GAD1: variants seen among roughly 807,000 people sequenced by gnomAD.
GAD1 encodes 67 kDa glutamic acid decarboxylase.
GAD1 carries 35 observed loss-of-function variants against 75.2 expected under a neutral mutation model. The ratio of observed to expected loss-of-function variants is 0.47; its 90% CI spans 0.36 to 0.62. GAD1 has a LOEUF of 0.62. Ranked by LOEUF, GAD1 falls within the 20% of genes least tolerant of loss-of-function variation. The pLI is 0.00. For missense variants in GAD1, 490 were observed against 758.5 expected, an observed-to-expected ratio of 0.65 and a Z score of 4.16; for synonymous variants, 257 against 271.9, an observed-to-expected ratio of 0.95 and a Z score of 0.54.
At chr2:170,830,844 T>C in intron 4 of GAD1, 106 bp from the exon 5 acceptor site, 1 of 1,413,804 alleles carries the variant, frequency 7.1e-7, no homozygotes, top group Non-Finnish European at 9.9e-7. Flanking sequence ...TATCCCAGAA[T>C]GAAATCAGGC....
At chr2:170,828,312 C>T (rs1702089249) in intron 3 of GAD1, among the ~76,000 whole-genome samples, 1 of 139,898 alleles carries the variant, frequency 7.1e-6, no homozygotes, top group Non-Finnish European at 1.5e-5. Context: ...CCTCTGCTGT[C>T]CTCACCCTCT....
intron 2 of GAD1, chr2:170,821,817 G>A (rs933853424): frequency 1.1e-4 from 58 of 505,810 alleles, no homozygotes; most frequent in Non-Finnish European, 1.7e-4. Context: ...GGCGGGGGTC[G>A]CTTACGGGCC....
chr2:170,848,500 AAAAAAAAAAAAAG>A (rs935676068), intron 11 of GAD1, among the ~76,000 whole-genome samples: 4 of 151,112 alleles, frequency 2.6e-5, no homozygotes, highest in Admixed American at 6.6e-5. Context: ...CTGTCTCAAA[AAAAAAAAAAAAAG>A]AAAAAAGAAA....
In GAD1 at chr2:170,818,755, A is replaced by G; in HGVS notation, c.82+82A>G. The G allele has an allele frequency of 1.5e-6, 2 of 1,336,044 alleles. No individual in the cohort carries two copies. Among genetic ancestry groups the G allele is most frequent in the South Asian group, 1.2e-5 (1 of 85,610 alleles). 82.8% of individuals were successfully genotyped at this position (1,336,044 alleles called of 1,614,324 possible). ...GACGTCGGGAGGCTGAGCTGGCGGA[A>G]AGGGAAGGGGGAGCGCGGAGATAAT... On this transcript the variant is annotated intron_variant, in intron 2 of 16. Coordinates refer to ENST00000358196, the MANE Select transcript of GAD1 (RefSeq NM_000817.3). The surrounding 1 kb of genome is among the most constrained non-coding windows in gnomAD (Gnocchi z 5.9).
chr2:170,831,044 T>C lies in GAD1; in HGVS notation c.399T>C (p.Asp133=), dbSNP rs112737041. The change falls in exon 5 of 17, where the codon GAT becomes GAC. Residue 133 remains aspartate, a synonymous_variant. Transcript: ENST00000358196. ...TCAACTATGTCCGCAAGACATTTGA[T>C]CGCTCCACCAAGGTGCTGGACTTTC... ...ILLNYVRKTF[D]RSTKVLDFHH... 1,254 of 1,614,080 alleles carry C rather than the reference T, an allele frequency of 7.8e-4. 1 individual carries two copies. The highest frequency in any genetic ancestry group is 9.9e-4 in the Non-Finnish European group (1,171 of 1,180,052).
chr2:170,852,957 G>C, intron 13 of GAD1, 165 bp downstream of exon 13: 1 of 702,654 alleles, frequency 1.4e-6, no homozygotes, highest in Non-Finnish European at 2.6e-6. Flanking sequence ...AGCTAACCTG[G>C]TTTCTTCTCT....
chr2:170,840,710 GATTAAAAAAAA>G (rs1702497481), intron 6 of GAD1, among the ~76,000 whole-genome samples: 1 of 149,150 alleles, frequency 6.7e-6, no homozygotes, highest in Non-Finnish European at 1.5e-5. Context: ...ACTCCTCTTT[GATTAAAAAAAA>G]ATTAAAAAAA....
upstream of GAD1, among the ~76,000 whole-genome samples, chr2:170,814,353 A>G (rs3762560): frequency 0.048 from 7,290 of 152,242 alleles, 435 homozygotes; most frequent in East Asian, 0.28. Flanking sequence ...GACCAGAAGG[A>G]CGGGCGCTGT....
At chr2:170,835,052 A>G (rs1417163483) in intron 5 of GAD1, among the ~76,000 whole-genome samples, 2 of 152,162 alleles carry the variant, frequency 1.3e-5, no homozygotes, top group Non-Finnish European at 2.9e-5. Flanking sequence ...GATTGCAGGC[A>G]TGAGCCACCG....
At chr2:170,835,531 A>G (rs1163432166) in intron 5 of GAD1, among the ~76,000 whole-genome samples, 1 of 152,218 alleles carries the variant, frequency 6.6e-6, no homozygotes, top group East Asian at 1.9e-4. Context: ...TGTAACCATA[A>G]GCTAAAAATA....
intron 5 of GAD1, among the ~76,000 whole-genome samples, chr2:170,832,289 C>A (rs1043274194): frequency 6.6e-6 from 1 of 152,118 alleles, no homozygotes. Context: ...AGAGGATCCA[C>A]CCTTGTCTTT....
At position 170,852,789 on chromosome 2, in the gene GAD1, A is replaced by C; in HGVS notation, c.1260A>C (p.Glu420Asp). Residue 420 changes from glutamate to aspartate, a missense_variant, in exon 13 of 17, where the codon GAA (glutamate) becomes GAC (aspartate). Coordinates refer to ENST00000358196, the MANE Select transcript of GAD1 (RefSeq NM_000817.3). ...AGTGCTCTGCCATTCTCGTCAAGGA[A>C]AAGGTCTGTACTCCCTCCAAAGCTA... ...LLQCSAILVK[E>D]KGILQGCNQM... is the part of the protein sequence containing the mutation. The C allele has an allele frequency of 6.2e-7, 1 of 1,613,948 alleles. No individual in the cohort carries two copies. The highest frequency in any genetic ancestry group is 2.2e-5 in the East Asian group (1 of 44,872).
At position 170,860,104 on chromosome 2, in the gene GAD1, A is replaced by T. The variant is rs1702932266; in HGVS notation, c.*222A>T. The stretch of plus-strand genomic sequence containing the variant: ...CATTAGGAACAGAGTATATATGTAC[A>T]GTTATACATACCTCTCTCTATATAT... On this transcript the variant is annotated 3_prime_UTR_variant, in exon 17 of 17. Coordinates refer to ENST00000358196, the MANE Select transcript of GAD1 (RefSeq NM_000817.3). The T allele has an allele frequency of 3.6e-6, 2 of 549,646 alleles. No individual in the cohort carries two copies. The highest frequency in any genetic ancestry group is 3.3e-6 in the Non-Finnish European group (1 of 305,440). The allele number at this position is 549,646 out of a possible 1,614,324, so 34.0% of individuals were successfully genotyped here.
chr2:170,851,755 A>T (rs961197421), intron 12 of GAD1, among the ~76,000 whole-genome samples: 1 of 152,192 alleles, frequency 6.6e-6, no homozygotes, highest in African/African-American at 2.4e-5. Context: ...CATTAGACTT[A>T]GTTGTTTCTG....
intron 6 of GAD1, among the ~76,000 whole-genome samples, chr2:170,842,248 G>T (rs530213074): frequency 1.3e-5 from 2 of 152,220 alleles, no homozygotes; most frequent in East Asian, 3.9e-4. Context: ...TTCCTGCCTG[G>T]CCAACACTGA....
intron 3 of GAD1, among the ~76,000 whole-genome samples, chr2:170,828,639 C>T (rs952598470): frequency 2.0e-5 from 2 of 99,106 alleles, no homozygotes; most frequent in African/African-American, 6.2e-5. Flanking sequence ...CTCTGCTGTC[C>T]TCACCCTCCT....
rs1465619948 is a variant in GAD1, at chr2:170,817,232, C to CCCT, written c.-64+186_-64+187insTCC. The stretch of plus-strand genomic sequence containing the variant: ...CGGGTGCGCTGCGCAGGGACCCCCC[C>CCCT]CCCCCCGCCTCCCTCGTCACTCTTC... On this transcript the variant is annotated intron_variant, in intron 1 of 16. Transcript: ENST00000358196. 2 of 112,132 alleles carry CCCT rather than the reference C, an allele frequency of 1.8e-5. 1 individual carries two copies. Among genetic ancestry groups the CCCT allele is most frequent in the Non-Finnish European group, 4.4e-5 (2 of 45,496 alleles). 6.9% of individuals were successfully genotyped at this position (112,132 alleles called of 1,614,324 possible).
chr2:170,821,302 G>A (rs376491558), intron 2 of GAD1, among the ~76,000 whole-genome samples: 1 of 152,154 alleles, frequency 6.6e-6, no homozygotes, highest in African/African-American at 2.4e-5. Context: ...AGGGGTTTGA[G>A]AACAGCCTGG....
rs1027292384 is a variant in GAD1, at chr2:170,818,157, T to A, written c.-63-372T>A. Reference sequence around the variant, plus strand: ...TGTAGCGGCTCGGCTGGAAAATCGCTCACTGAGCGCTCCCCTGTGCTCCTA... The same window carrying A: ...TGTAGCGGCTCGGCTGGAAAATCGCACACTGAGCGCTCCCCTGTGCTCCTA... On this transcript the variant is annotated intron_variant, in intron 1 of 16. Coordinates refer to ENST00000358196, the MANE Select transcript of GAD1 (RefSeq NM_000817.3). This position sits in a 1 kb window ranked among gnomAD's most constrained non-coding sequence, Gnocchi z 5.9. The A allele has an allele frequency of 4.3e-4, 75 of 173,878 alleles. No individual in the cohort carries two copies. The highest frequency in any genetic ancestry group is 1.8e-3 in the African/African-American group (73 of 41,138). The allele number at this position is 173,878 out of a possible 1,614,324, so 10.8% of individuals were successfully genotyped here.
Sources: allele counts gnomAD v4.1 joint callset (sites outside exome capture counted in the v4.1 genomes callset), GRCh38; gene constraint gnomAD v4.1.1; non-coding constraint Gnocchi (gnomAD v3.1); transcripts MANE v1.5; gene names NCBI Gene and HGNC (gene_info 2026-07-23, HGNC 2026-07-21).